ARHGAP15: variants seen among roughly 807,000 people sequenced by gnomAD.
ARHGAP15 encodes the protein rho GTPase-activating protein 15.
In ARHGAP15, 51 loss-of-function variants were observed where a neutral mutation model predicts 63.7. The ratio of observed to expected loss-of-function variants is 0.80; its 90% CI spans 0.64 to 1.01. The LOEUF (loss-of-function observed/expected upper bound fraction) is 1.01. Among genes scored for constraint, ARHGAP15 ranks in the 50% least tolerant of loss-of-function variants. The pLI is 0.00. For missense variants in ARHGAP15, 560 were observed against 564.6 expected, an observed-to-expected ratio of 0.99 and a Z score of 0.08; for synonymous variants, 191 against 193.8, an observed-to-expected ratio of 0.99 and a Z score of 0.12.
intron 4 of ARHGAP15, among the ~76,000 whole-genome samples, chr2:143,222,090 G>C (rs1693024805): frequency 6.6e-6 from 1 of 152,134 alleles, no homozygotes. Flanking sequence ...GACAGAGATG[G>C]GTATTTTTAC....
chr2:143,327,073 G>A (rs1186840475), intron 6 of ARHGAP15, among the ~76,000 whole-genome samples: 3 of 152,146 alleles, frequency 2.0e-5, no homozygotes, highest in African/African-American at 7.2e-5. Context: ...AAAGTCTCAG[G>A]ATACAAAGTC....
At chr2:143,502,047 C>T (rs1189932334) in intron 9 of ARHGAP15, among the ~76,000 whole-genome samples, 1 of 152,136 alleles carries the variant, frequency 6.6e-6, no homozygotes, top group Admixed American at 6.5e-5. Flanking sequence ...AGAAAGTAAA[C>T]AGTCCATTGG....
Position 143,500,748 on chromosome 2 carries a change from G to A in ARHGAP15, c.826+13253G>A, listed in dbSNP as rs1195099737. On this transcript the variant is annotated intron_variant, in intron 9 of 13. Coordinates refer to ENST00000295095, the MANE Select transcript of ARHGAP15 (RefSeq NM_018460.4). ...AGCCGTTGAATCATGCTTTTGTTGT[G>A]ATAGACAGCTTATGCAGATAGCCGT... Among the ~76,000 whole-genome samples the A allele has an allele frequency of 4.6e-5, 7 of 152,146 alleles. No individual in the cohort carries two copies. The East Asian group carries it at 1.3e-3, about 29-fold the overall frequency.
intron 12 of ARHGAP15, among the ~76,000 whole-genome samples, chr2:143,629,038 G>A (rs1413934172): frequency 6.6e-6 from 1 of 152,134 alleles, no homozygotes; most frequent in Non-Finnish European, 1.5e-5. Context: ...TGCATCTGAG[G>A]AGAAAATGCT....
chr2:143,353,093 G>T (rs1461772519), intron 6 of ARHGAP15, among the ~76,000 whole-genome samples: 4 of 151,946 alleles, frequency 2.6e-5, no homozygotes, highest in Non-Finnish European at 1.5e-5. Flanking sequence ...GAATAGATGT[G>T]TAATACATTT....
intron 13 of ARHGAP15, among the ~76,000 whole-genome samples, chr2:143,724,551 G>A (rs1252190488): frequency 6.6e-6 from 1 of 152,172 alleles, no homozygotes; most frequent in East Asian, 1.9e-4. Context: ...GGACCTTGTA[G>A]TGTTCCATTG....
At chr2:143,655,880 C>A (rs527743457) in intron 12 of ARHGAP15, among the ~76,000 whole-genome samples, 2 of 152,018 alleles carry the variant, frequency 1.3e-5, no homozygotes, top group Non-Finnish European at 2.9e-5. Context: ...GCATTCGGTA[C>A]GTCCATTTTC....
chr2:143,353,351 C>T (rs1017192468), intron 6 of ARHGAP15, among the ~76,000 whole-genome samples: 1 of 152,030 alleles, frequency 6.6e-6, no homozygotes, highest in African/African-American at 2.4e-5. Flanking sequence ...TTAGTCCAGC[C>T]CTTTAAGAGA....
chr2:143,517,147 C>A (rs1693859970), intron 9 of ARHGAP15, among the ~76,000 whole-genome samples: 1 of 152,136 alleles, frequency 6.6e-6, no homozygotes, highest in East Asian at 1.9e-4. Flanking sequence ...CGGGGTTTCA[C>A]CATGTTGGCC....
At chr2:143,426,820 T>C (rs1330944792) in intron 6 of ARHGAP15, among the ~76,000 whole-genome samples, 1 of 152,188 alleles carries the variant, frequency 6.6e-6, no homozygotes, top group Non-Finnish European at 1.5e-5. Context: ...AACTTGAAGA[T>C]TAAAGCACAG....
intron 13 of ARHGAP15, among the ~76,000 whole-genome samples, chr2:143,723,752 T>G (rs1355411744): frequency 6.6e-6 from 1 of 152,200 alleles, no homozygotes; most frequent in African/African-American, 2.4e-5. Flanking sequence ...TGCGTAGGAA[T>G]GACATGAACT....
chr2:143,187,142 G>A (rs1374547866), intron 2 of ARHGAP15, among the ~76,000 whole-genome samples: 1 of 152,100 alleles, frequency 6.6e-6, no homozygotes, highest in Non-Finnish European at 1.5e-5. Flanking sequence ...TTAGATAATA[G>A]CATGAATTTT....
chr2:143,370,017 C>A (rs1016440745), intron 6 of ARHGAP15, among the ~76,000 whole-genome samples: 1 of 152,096 alleles, frequency 6.6e-6, no homozygotes, highest in African/African-American at 2.4e-5. Flanking sequence ...AGCAACATCA[C>A]AATCATTTTG....
In ARHGAP15 at chr2:143,137,521, G is replaced by A. The variant is rs149455119; in HGVS notation, c.-15+8055G>A. Among the ~76,000 whole-genome samples the A allele has an allele frequency of 1.5e-4, 23 of 152,126 alleles. No individual in the cohort carries two copies. In the East Asian group the frequency reaches 4.4e-3, roughly 29 times the overall value. Reference sequence around the variant, plus strand: ...GGTACAGTTTTAGTAAGTTGGCAGTGATGAAAGGTTGGGTTTGAATTCTGT... The same window carrying A: ...GGTACAGTTTTAGTAAGTTGGCAGTAATGAAAGGTTGGGTTTGAATTCTGT... On this transcript the variant is annotated intron_variant, in intron 1 of 13. Transcript: ENST00000295095.
At chr2:143,590,459 T>C (rs1261680800) in intron 11 of ARHGAP15, among the ~76,000 whole-genome samples, 1 of 152,144 alleles carries the variant, frequency 6.6e-6, no homozygotes, top group Non-Finnish European at 1.5e-5. Context: ...GCTGTGTGAG[T>C]ATAGGGATAA....
chr2:143,619,758 T>G (rs1698584301), intron 11 of ARHGAP15, among the ~76,000 whole-genome samples: 1 of 152,148 alleles, frequency 6.6e-6, no homozygotes, highest in Admixed American at 6.6e-5. Flanking sequence ...TGTTTAAAAG[T>G]GTATAGCACT....
At chr2:143,471,510 TAAAAAC>T (rs971498091) in intron 8 of ARHGAP15, among the ~76,000 whole-genome samples, 15 of 151,630 alleles carry the variant, frequency 9.9e-5, no homozygotes, top group African/African-American at 1.7e-4. Flanking sequence ...TTTAGCAAAG[TAAAAAC>T]AAAAACAAAA....
chr2:143,766,200 T>C (rs1686941679), intron 13 of ARHGAP15, among the ~76,000 whole-genome samples: 1 of 152,154 alleles, frequency 6.6e-6, no homozygotes, highest in South Asian at 2.1e-4. Flanking sequence ...ACGGTTTCAG[T>C]TATCCAAAGT....
intron 6 of ARHGAP15, among the ~76,000 whole-genome samples, chr2:143,251,165 T>A (rs1427684663): frequency 6.6e-6 from 1 of 151,916 alleles, no homozygotes; most frequent in Non-Finnish European, 1.5e-5. Context: ...TTGAGAGAGA[T>A]AAAATTGGAA....
Sources: gnomAD v4.1 joint callset for allele counts (sites outside exome capture counted in the v4.1 genomes callset) on GRCh38, gnomAD v4.1.1 for gene constraint, MANE v1.5 for transcripts, NCBI Gene and HGNC (gene_info 2026-07-23, HGNC 2026-07-21) for gene names.